Variants in GPR101 observed in about 807,000 individuals in gnomAD.
GPR101 encodes G protein-coupled receptor 101.
In GPR101, 8 loss-of-function variants were observed where a neutral mutation model predicts 16.4. The ratio of observed to expected loss-of-function variants is 0.49; its 90% CI spans 0.29 to 0.88. GPR101 has a LOEUF of 0.88. Ranked by LOEUF, GPR101 falls within the 40% of genes least tolerant of loss-of-function variation. The pLI is 0.09. For synonymous variants in GPR101, 155 were observed against 168.7 expected (o/e 0.92, Z 0.63); for missense variants, 375 against 411.7 (o/e 0.91, Z 0.77).
rs1163298062 is a variant in GPR101, at chrX:137,033,785, A to G, written c.-93+17T>C. On this transcript the variant is annotated intron_variant, in intron 1 of 1. Transcript: ENST00000651716. ...TGCTGGGGGCCACGGAGCCCGGAGT[A>G]GGGCCGGGCTGCTTACCTGTTGCTG... is the stretch of plus-strand genomic sequence containing the variant. Among the ~76,000 whole-genome samples, 1 of 111,934 alleles carries G rather than the reference A, an allele frequency of 8.9e-6. No individual in the cohort carries two copies. Among genetic ancestry groups the G allele is most frequent in the Admixed American group, 9.2e-5 (1 of 10,828 alleles).
In GPR101 at chrX:137,031,195, G is replaced by A; in HGVS notation, c.480C>T (p.Ile160=). 1.7e-6 allele frequency: 2 copies of A among 1,212,078 alleles called. No individual in the cohort carries two copies. The highest frequency in any genetic ancestry group is 1.1e-6 in the Non-Finnish European group (1 of 895,484). ...CGTAGAGTGGAGGAGTGCTCTGCAG[G>A]ATGGCCACAATCCAGGTGCCATAGA... The part of the protein sequence containing the change: ...LLLYGTWIVA[I]LQSTPPLYGW... Residue 160 remains isoleucine (I), a synonymous_variant, in exon 2 of 2, where the codon ATC becomes ATT. Transcript: ENST00000651716.
At position 137,029,771 on chromosome X, in the gene GPR101, G is replaced by T. The variant is rs1209585163; in HGVS notation, c.*377C>A. Among the ~76,000 whole-genome samples the T allele has an allele frequency of 8.9e-6, 1 of 112,054 alleles. No individual in the cohort carries two copies. The highest frequency in any genetic ancestry group is 1.9e-5 in the Non-Finnish European group (1 of 53,247). ...TGGCCCATGAGCTCCCGACCCGAGG[G>T]CCGAAAAGTCCTTAAGTTCACAAGC... On this transcript the variant is annotated 3_prime_UTR_variant, in exon 2 of 2. Transcript: ENST00000651716.
chrX:137,030,573 C>T lies in GPR101; in HGVS notation c.1102G>A (p.Glu368Lys), dbSNP rs149334737. The part of the protein sequence containing the change: ...DDINFSEDDV[E>K]AVNIPESLPP... ...AGGCTCTCCGGGATGTTCACTGCCT[C>T]GACGTCATCCTCACTGAAATTGATG... The change falls in exon 2 of 2, where the codon GAG becomes AAG. Residue 368 changes from glutamate (E) to lysine (K), a missense_variant. Transcript: ENST00000651716. The T allele has an allele frequency of 3.6e-4, 431 of 1,209,184 alleles. No individual in the cohort carries two copies. Among genetic ancestry groups the T allele is most frequent in the Non-Finnish European group, 4.5e-4 (401 of 894,942 alleles).
Position 137,030,337 on chromosome X carries a change from C to A in GPR101, c.1338G>T (p.Gln446His). 8.3e-7 allele frequency: 1 copy of A among 1,209,824 alleles called. No homozygotes were observed. Among genetic ancestry groups the A allele is most frequent in the African/African-American group, 1.7e-5 (1 of 57,712 alleles). ...ITIIIWLFFL[Q>H]CCIHPYVYGY... ...CATAGACATAGGGGTGGATGCAGCA[C>A]TGCAGGAAGAAAAGCCAGATGATTA... The change falls in exon 2 of 2, where the codon CAG (glutamine) becomes CAT (histidine). Residue 446 changes from glutamine to histidine, a missense_variant. By Grantham distance (24) the Gln-to-His change is conservative (BLOSUM62 0). Transcript: ENST00000651716.
At position 137,031,447 on chromosome X, in the gene GPR101, G is replaced by A. The variant is rs368072618; in HGVS notation, c.228C>T (p.Thr76=). ...CCACGAGCGAAATCTGCAGCAGGTC[G>A]GTGACGAGGAGGTTAAAGATAAAAC... is the stretch of plus-strand genomic sequence containing the variant. ...TNRFIFNLLV[T]DLLQISLVAP... is the part of the protein sequence containing the mutation. Residue 76 remains threonine, a synonymous_variant, in exon 2 of 2, where the codon ACC becomes ACT. Coordinates refer to ENST00000651716, the MANE Select transcript of GPR101 (RefSeq NM_054021.2). The A allele has an allele frequency of 1.8e-5, 21 of 1,189,718 alleles. No homozygotes were observed. The South Asian group carries it at 3.8e-4, about 21-fold the overall frequency.
Position 137,027,594 on chromosome X carries a change from G to A in GPR101, c.*2554C>T, listed in dbSNP as rs1745147848. Among the ~76,000 whole-genome samples the A allele has an allele frequency of 8.9e-6, 1 of 112,144 alleles. No individual in the cohort carries two copies. The highest frequency in any genetic ancestry group is 9.4e-5 in the Admixed American group (1 of 10,614). On this transcript the variant is annotated 3_prime_UTR_variant, in exon 2 of 2. Coordinates refer to ENST00000651716, the MANE Select transcript of GPR101 (RefSeq NM_054021.2). ...AAAGCAGAATGCTCTTAATTAAAAG[G>A]TCCTCTTTTCCAGGCTCATAGTTTC...
chrX:137,032,218 C>T (rs1055893399), intron 1 of GPR101, among the ~76,000 whole-genome samples: 2 of 111,090 alleles, frequency 1.8e-5, no homozygotes, highest in Non-Finnish European at 3.8e-5. Context: ...TTGTCTCTCA[C>T]TTATGTCTGT....
In GPR101 at chrX:137,033,828, C is replaced by A. The variant is rs2148745258; in HGVS notation, c.-119G>T. On this transcript the variant is annotated 5_prime_UTR_variant, in exon 1 of 2. Coordinates refer to ENST00000651716, the MANE Select transcript of GPR101 (RefSeq NM_054021.2). ...TGTTGCTGCTGCAGACGTGGCGTCG[C>A]GGGCGCCGCGTGCAGGTCCTTCGGG... is the stretch of plus-strand genomic sequence containing the variant. Among the ~76,000 whole-genome samples the A allele has an allele frequency of 8.9e-6, 1 of 112,187 alleles. No individual in the cohort carries two copies. Among genetic ancestry groups the A allele is most frequent in the African/African-American group, 3.2e-5 (1 of 31,040 alleles).
At position 137,028,001 on chromosome X, in the gene GPR101, C is replaced by T. The variant is rs1303633687; in HGVS notation, c.*2147G>A. Among the ~76,000 whole-genome samples the T allele has an allele frequency of 4.5e-5, 5 of 112,291 alleles. No homozygotes were observed. Among genetic ancestry groups the T allele is most frequent in the Non-Finnish European group, 7.5e-5 (4 of 53,247 alleles). Reference sequence around the variant, plus strand: ...ACAGACCTGAAGGCACTGCCCCTCCCCTGTAGGAGGATTGATCACATAGGC... The same window carrying T: ...ACAGACCTGAAGGCACTGCCCCTCCTCTGTAGGAGGATTGATCACATAGGC... On this transcript the variant is annotated 3_prime_UTR_variant, in exon 2 of 2. Coordinates refer to ENST00000651716, the MANE Select transcript of GPR101 (RefSeq NM_054021.2).
rs1927172975 is a variant in GPR101 at position 137,026,652 on chromosome X, TATTC to T, written c.*3492_*3495del. Among the ~76,000 whole-genome samples the T allele has an allele frequency of 8.9e-6, 1 of 112,203 alleles. No homozygotes were observed. The highest frequency in any genetic ancestry group is 3.2e-5 in the African/African-American group (1 of 30,828). ...ATTGGACAGTATCTACAGTATTGAC[TATTC>T]CCCCAATGATGTGTAATATCGAGTG... On this transcript the variant is annotated 3_prime_UTR_variant, in exon 2 of 2. Transcript: ENST00000651716.
Position 137,031,042 on chromosome X carries a change from G to T in GPR101, c.633C>A (p.Cys211Ter). Residue 211 changes from cysteine (C) to a stop codon, truncating the protein, a stop_gained, in exon 2 of 2, where the codon TGC (cysteine) becomes TGA (stop). Transcript: ENST00000651716. LOFTEE classifies it high-confidence loss of function. ...GGGCTGCACAGAACACCACGGAGTAGCAGGCAATCATGACAATCAGTGGAA... is the reference window on the plus strand; with the variant it reads ...GGGCTGCACAGAACACCACGGAGTATCAGGCAATCATGACAATCAGTGGAA... ...IVIPLIVMIACYSVVFCAARR... is the reference protein window; with the variant it reads ...IVIPLIVMIA 1 of 1,212,229 alleles carries T rather than the reference G, an allele frequency of 8.2e-7. No individual in the cohort carries two copies. Among genetic ancestry groups the T allele is most frequent in the African/African-American group, 1.7e-5 (1 of 57,926 alleles).
At position 137,026,905 on chromosome X, in the gene GPR101, GA is replaced by G. The variant is rs747676306; in HGVS notation, c.*3242del. Among the ~76,000 whole-genome samples, 2 of 110,505 alleles carry G rather than the reference GA, an allele frequency of 1.8e-5. No individual in the cohort carries two copies. The highest frequency in any genetic ancestry group is 7.8e-4 in the South Asian group (2 of 2,556). Reference sequence around the variant, plus strand: ...ATCTGTCAGCTCTGGGTTGGGAAGGGATGGATGGGGAGTAGGTGAACACGCA... The same window carrying G: ...ATCTGTCAGCTCTGGGTTGGGAAGGGTGGATGGGGAGTAGGTGAACACGCA... On this transcript the variant is annotated 3_prime_UTR_variant, in exon 2 of 2. Transcript: ENST00000651716.
At position 137,027,833 on chromosome X, in the gene GPR101, G is replaced by A. The variant is rs1444112916; in HGVS notation, c.*2315C>T. Among the ~76,000 whole-genome samples, 1 of 112,420 alleles carries A rather than the reference G, an allele frequency of 8.9e-6. No individual in the cohort carries two copies. Among genetic ancestry groups the A allele is most frequent in the Non-Finnish European group, 1.9e-5 (1 of 53,269 alleles). On this transcript the variant is annotated 3_prime_UTR_variant, in exon 2 of 2. Transcript: ENST00000651716. ...TTTTCTCTGATACACTTTGAAGGGG[G>A]TGAGCTTTAAAAATAAAACAAGAAG...
At position 137,030,686 on chromosome X, in the gene GPR101, T is replaced by G. The variant is rs1440886297; in HGVS notation, c.989A>C (p.Asn330Thr). The change falls in exon 2 of 2, where the codon AAC becomes ACC. Residue 330 changes from asparagine to threonine, a missense_variant. Physicochemically the swap from Asn to Thr is moderately conservative, Grantham distance 65. Transcript: ENST00000651716. ...GCGACCCTTGTCTGCCTTCATGCTG[T>G]TCTCCTCAACTTTGGTGCTGCCTTC... Reference protein sequence around the residue: ...GKEGSTKVEENSMKADKGRTE... With the variant: ...GKEGSTKVEETSMKADKGRTE... 12 of 1,211,493 alleles carry G rather than the reference T, an allele frequency of 9.9e-6. No individual in the cohort carries two copies. The East Asian group carries it at 3.5e-4, about 36-fold the overall frequency.
At chrX:137,032,988 TTCTCTGGCTGGATC>T (rs773607689) in intron 1 of GPR101, among the ~76,000 whole-genome samples, 17 of 111,568 alleles carry the variant, frequency 1.5e-4, no homozygotes, top group Non-Finnish European at 2.6e-4. Context: ...ACCTTGGTTT[TTCTCTGGCTGGATC>T]TCTGTCTCTT....
intron 1 of GPR101, among the ~76,000 whole-genome samples, chrX:137,032,039 A>G (rs774247304): frequency 2.0e-4 from 22 of 109,043 alleles, no homozygotes; most frequent in Non-Finnish European, 4.0e-4. Context: ...GGCTCCGGGG[A>G]GTTTTGGTCG....
chrX:137,031,696 G>C lies in GPR101; in HGVS notation c.-22C>G, dbSNP rs910664489. On this transcript the variant is annotated 5_prime_UTR_variant, in exon 2 of 2. Coordinates refer to ENST00000651716, the MANE Select transcript of GPR101 (RefSeq NM_054021.2). Reference sequence around the variant, plus strand: ...TCATGGCAACAGCCAGAGGGCGTGAGACAGGTTGCAGGCTCAGTGCCGGCA... The same window carrying C: ...TCATGGCAACAGCCAGAGGGCGTGACACAGGTTGCAGGCTCAGTGCCGGCA... The C allele has an allele frequency of 8.6e-7, 1 of 1,160,474 alleles. No individual in the cohort carries two copies. The highest frequency in any genetic ancestry group is 1.2e-6 in the Non-Finnish European group (1 of 865,779).
rs898746196 is a variant in GPR101 at position 137,024,847 on chromosome X, G to T, written c.*5301C>A. ...CCAAGCGCGAAACCTGTCAGTTCAC[G>T]GTCAGGTGTTGGTTGGGTCTTCAGG... On this transcript the variant is annotated 3_prime_UTR_variant, in exon 2 of 2. Transcript: ENST00000651716. 3.6e-5 allele frequency among the ~76,000 whole-genome samples: 4 copies of T among 112,001 alleles called. No individual in the cohort carries two copies. The highest frequency in any genetic ancestry group is 9.7e-5 in the African/African-American group (3 of 30,793).
At position 137,029,341 on chromosome X, in the gene GPR101, T is replaced by C; in HGVS notation, c.*807A>G. Among the ~76,000 whole-genome samples the C allele has an allele frequency of 8.9e-6, 1 of 112,420 alleles. No individual in the cohort carries two copies. The highest frequency in any genetic ancestry group is 2.8e-4 in the East Asian group (1 of 3,613). ...TAGTGGCATGATTTCTGCCCCACTA[T>C]TATTCAAACAGGAGACAGAAAATAT... On this transcript the variant is annotated 3_prime_UTR_variant, in exon 2 of 2. Coordinates refer to ENST00000651716, the MANE Select transcript of GPR101 (RefSeq NM_054021.2).
Sources: allele counts gnomAD v4.1 joint callset (sites outside exome capture counted in the v4.1 genomes callset), GRCh38; gene constraint gnomAD v4.1.1; transcripts MANE v1.5; gene names NCBI Gene and HGNC (gene_info 2026-07-23, HGNC 2026-07-21).